TTC19: variants seen among roughly 807,000 people sequenced by gnomAD.
TTC19 encodes tetratricopeptide repeat domain 19.
TTC19 carries 38 observed loss-of-function variants against 49.5 expected under a neutral mutation model. The ratio of observed to expected loss-of-function variants is 0.77; its 90% CI spans 0.59 to 1.01. TTC19 has a LOEUF of 1.01. Ranked by LOEUF, TTC19 falls within the 50% of genes least tolerant of loss-of-function variation. The pLI is 0.00. For synonymous variants in TTC19, 204 were observed against 185.2 expected, an observed-to-expected ratio of 1.10 and a Z score of -0.83; for missense variants, 475 against 477.7, an observed-to-expected ratio of 0.99 and a Z score of 0.05.
chr17:16,019,766 T>G (rs961407465), intron 7 of TTC19, among the ~76,000 whole-genome samples: 1 of 152,206 alleles, frequency 6.6e-6, no homozygotes, highest in Non-Finnish European at 1.5e-5. Context: ...TGAACATTCT[T>G]GGACTTGCAT....
intron 2 of TTC19, among the ~76,000 whole-genome samples, chr17:16,038,128 T>C (rs945446622): frequency 6.6e-6 from 1 of 152,164 alleles, no homozygotes; most frequent in Non-Finnish European, 1.5e-5. Flanking sequence ...GTGAGATAGA[T>C]CTTTTGCTTG....
chr17:16,034,842 A>G, intron 2 of TTC19: 1 of 1,614,100 alleles, frequency 6.2e-7, no homozygotes, highest in Non-Finnish European at 8.5e-7. Flanking sequence ...TACAGAGGAG[A>G]CTGAAGAGGG....
At chr17:16,034,623 G>T in intron 2 of TTC19, 2 of 768,970 alleles carry the variant, frequency 2.6e-6, no homozygotes, top group South Asian at 2.1e-5. Flanking sequence ...ACTTCTATTC[G>T]GGAAAGTGGA....
At chr17:16,031,240 CCAT>C (rs1971932204), downstream of TTC19, 2 of 198,632 alleles carry the variant, frequency 1.0e-5, no homozygotes, top group Non-Finnish European at 2.1e-5. Context: ...ACTGTGTTCA[CCAT>C]GAGTTTTTCA....
In TTC19 at chr17:16,006,467, T is replaced by G. The variant is rs761796707; in HGVS notation, c.582-7T>G. 1 of 1,595,074 alleles carries G rather than the reference T, an allele frequency of 6.3e-7. No individual in the cohort carries two copies. Among genetic ancestry groups the G allele is most frequent in the South Asian group, 1.1e-5 (1 of 90,682 alleles). ...GTAAATGGCTGATTATTGATTTTGC[T>G]TTACAGACAGGAATTTGCTGTTGCT... On this transcript the variant is annotated splice_polypyrimidine_tract_variant and splice_region_variant and intron_variant, in intron 6 of 9. Transcript: ENST00000261647.
At chr17:16,016,408 T>C (rs909306590) in intron 7 of TTC19, among the ~76,000 whole-genome samples, 1 of 152,208 alleles carries the variant, frequency 6.6e-6, no homozygotes, top group African/African-American at 2.4e-5. Flanking sequence ...CACATATGGC[T>C]TATCCTGGAG....
rs764436959 is a variant in TTC19, at chr17:16,006,617, A to G, written c.676+49A>G. 20 of 1,241,510 alleles carry G rather than the reference A, an allele frequency of 1.6e-5. No individual in the cohort carries two copies. The Admixed American group carries it at 3.3e-4, about 20-fold the overall frequency. The allele number at this position is 1,241,510 out of a possible 1,614,324, so 76.9% of individuals were successfully genotyped here. A position where few individuals can be genotyped will look rare whatever the true frequency, so the allele number is the denominator to read the frequency against. ...TTGCCTTTTCTCCACAAAAGGCTTT[A>G]CTTTACACTTTTGAGAAATGGAAAG... On this transcript the variant is annotated intron_variant, in intron 7 of 9. Transcript: ENST00000261647.
chr17:16,039,051 G>T (rs2057042391), intron 2 of TTC19, among the ~76,000 whole-genome samples: 2 of 152,216 alleles, frequency 1.3e-5, no homozygotes, highest in Admixed American at 6.5e-5. Context: ...TTACAGGCGT[G>T]AACCACCGCA....
Position 16,028,120 on chromosome 17 carries a change from T to A in TTC19, c.*598T>A. The A allele has an allele frequency of 2.2e-6, 1 of 454,026 alleles. No homozygotes were observed. The highest frequency in any genetic ancestry group is 4.4e-6 in the Non-Finnish European group (1 of 226,764). 28.1% of individuals were successfully genotyped at this position (454,026 alleles called of 1,614,324 possible). A position where few individuals can be genotyped will look rare whatever the true frequency, so the allele number is the denominator to read the frequency against. ...AGGCACGTGACAGTATAGCACCCAT[T>A]TGAATTTAAATAAAAGTGAACCATA... On this transcript the variant is annotated 3_prime_UTR_variant, in exon 10 of 10. Transcript: ENST00000261647.
chr17:16,012,143 G>C (rs772219852), intron 7 of TTC19, among the ~76,000 whole-genome samples: 12 of 151,806 alleles, frequency 7.9e-5, no homozygotes, highest in Non-Finnish European at 1.6e-4. Flanking sequence ...TATAGAGTGG[G>C]GTTTTTTTTT....
intron 7 of TTC19, among the ~76,000 whole-genome samples, chr17:16,014,553 A>T (rs543584106): frequency 1.3e-5 from 2 of 152,346 alleles, no homozygotes; most frequent in South Asian, 4.1e-4. Flanking sequence ...TTATAATCAT[A>T]CATTCCGGAA....
chr17:16,002,571 G>A (rs1314558006), intron 3 of TTC19: 6 of 579,234 alleles, frequency 1.0e-5, no homozygotes, highest in African/African-American at 9.4e-5. Flanking sequence ...TTAATGATGA[G>A]TGGACCTAGA....
chr17:16,041,732 A>T (rs1338757839), intron 2 of TTC19, among the ~76,000 whole-genome samples: 1 of 147,608 alleles, frequency 6.8e-6, no homozygotes, highest in Non-Finnish European at 1.5e-5. Flanking sequence ...GAAATTAATT[A>T]ATTTATTAAT....
chr17:16,024,928 G>C (rs1971500773), intron 7 of TTC19, 89 bp from the exon 8 acceptor site: 1 of 1,189,298 alleles, frequency 8.4e-7, no homozygotes, highest in Non-Finnish European at 1.3e-6. Flanking sequence ...TGTTCCCTAA[G>C]TGACATGTGG....
rs1970674924 is a variant in TTC19, at chr17:16,000,165, C to T, written c.232C>T (p.Gln78Ter). ...RPAAAEEEEQQGADGAAAEDG... is the reference protein window; with the variant it reads ...RPAAAEEEEQ ...CGCTGCGGCAGAGGAGGAGGAGCAG[C>T]AGGGAGCCGACGGGGCCGCTGCCGA... Residue 78 changes from glutamine to a stop codon, truncating the protein, a stop_gained, in exon 2 of 10, where the codon CAG (glutamine) becomes TAG (stop). Transcript: ENST00000261647. LOFTEE classifies it high-confidence loss of function. 1.3e-6 allele frequency: 2 copies of T among 1,590,056 alleles called. No homozygotes were observed. The highest frequency in any genetic ancestry group is 1.7e-6 in the Non-Finnish European group (2 of 1,176,854).
At chr17:16,000,459 T>C in intron 2 of TTC19, 1 of 1,360,146 alleles carries the variant, frequency 7.4e-7, no homozygotes, top group Non-Finnish European at 9.6e-7. Flanking sequence ...CTCTGCAGTG[T>C]CAAGTGCAAA....
chr17:16,037,478 C>CA (rs1420732953), intron 2 of TTC19, among the ~76,000 whole-genome samples: 1 of 151,794 alleles, frequency 6.6e-6, no homozygotes, highest in Non-Finnish European at 1.5e-5. Flanking sequence ...TCACTTGTAA[C>CA]AATCAAAACA....
chr17:16,042,506 C>A (rs2057911605), intron 2 of TTC19, among the ~76,000 whole-genome samples: 1 of 152,224 alleles, frequency 6.6e-6, no homozygotes, highest in South Asian at 2.1e-4. Flanking sequence ...AAATTAGAAT[C>A]ACCTGGGTAG....
At chr17:16,027,339 TC>T in intron 9 of TTC19, 34 bp from the exon 10 acceptor site, 1 of 1,612,610 alleles carries the variant, frequency 6.2e-7, no homozygotes, top group South Asian at 1.1e-5. Flanking sequence ...ACATACACTT[TC>T]TTCTTACTGT....
Sources: allele counts gnomAD v4.1 joint callset (sites outside exome capture counted in the v4.1 genomes callset), GRCh38; gene constraint gnomAD v4.1.1; transcripts MANE v1.5; gene names NCBI Gene and HGNC (gene_info 2026-07-23, HGNC 2026-07-21).